The following NTN1 variants were observed in gnomAD, a reference collection of about 807,000 sequenced individuals.
NTN1 encodes the protein netrin 1.
In NTN1, 11 loss-of-function variants were observed where a neutral mutation model predicts 54.2. The observed-to-expected ratio is 0.20, with a 90% confidence interval of 0.13 to 0.34. The LOEUF (loss-of-function observed/expected upper bound fraction) is 0.34. NTN1 is among the 10% of genes least tolerant of loss of function. The pLI, the probability that NTN1 is intolerant of heterozygous loss-of-function variation, is 1.00. For missense variants in NTN1, 740 were observed against 893.1 expected, an observed-to-expected ratio of 0.83 and a Z score of 2.18; for synonymous variants, 371 against 382.0, an observed-to-expected ratio of 0.97 and a Z score of 0.33.
intron 2 of NTN1, among the ~76,000 whole-genome samples, chr17:9,060,877 G>A (rs565703016): frequency 6.6e-6 from 1 of 150,572 alleles, no homozygotes; most frequent in Non-Finnish European, 1.5e-5. Context: ...TCGGGAGGCT[G>A]AGGCAGGAGA....
At chr17:9,052,383 T>A (rs562856603) in intron 2 of NTN1, among the ~76,000 whole-genome samples, 1 of 152,280 alleles carries the variant, frequency 6.6e-6, no homozygotes, top group Admixed American at 6.5e-5. Context: ...CAGGTCCACC[T>A]CTCAGTACCC....
chr17:9,052,180 A>G (rs1050783339), intron 2 of NTN1, among the ~76,000 whole-genome samples: 1 of 152,116 alleles, frequency 6.6e-6, no homozygotes, highest in Admixed American at 6.6e-5. Flanking sequence ...CATGTTGGTC[A>G]GGCTGGTCCC....
At chr17:9,167,180 G>A (rs1432036308) in intron 3 of NTN1, among the ~76,000 whole-genome samples, 1 of 152,112 alleles carries the variant, frequency 6.6e-6, no homozygotes, top group African/African-American at 2.4e-5. Context: ...CCTATACAAA[G>A]GCAGATGAGA....
chr17:9,110,995 C>T (rs150405309), intron 2 of NTN1, among the ~76,000 whole-genome samples: 58 of 135,230 alleles, frequency 4.3e-4, no homozygotes, highest in Non-Finnish European at 7.4e-4. Context: ...AGTGCTGTGG[C>T]GCGATCTCGG....
intron 2 of NTN1, among the ~76,000 whole-genome samples, chr17:9,091,691 G>A (rs1293028958): frequency 6.6e-6 from 1 of 151,946 alleles, no homozygotes; most frequent in Non-Finnish European, 1.5e-5. Flanking sequence ...GACCTCAGGT[G>A]ATCTGCCTGC....
chr17:9,204,389 G>T (rs1904911326), intron 5 of NTN1, among the ~76,000 whole-genome samples: 1 of 152,096 alleles, frequency 6.6e-6, no homozygotes, highest in East Asian at 1.9e-4. Context: ...CACCTCCTGG[G>T]TTCAAGTGAT....
At chr17:9,026,966 G>T (rs1333230645) in intron 2 of NTN1, among the ~76,000 whole-genome samples, 1 of 152,104 alleles carries the variant, frequency 6.6e-6, no homozygotes, top group Non-Finnish European at 1.5e-5. Context: ...GCCTCTTAAT[G>T]GTCATAGGTA....
At chr17:9,138,014 TC>T (rs146444989) in intron 2 of NTN1, among the ~76,000 whole-genome samples, 9,885 of 152,096 alleles carry the variant, frequency 0.065, 1,074 homozygotes, top group African/African-American at 0.23. Flanking sequence ...CCAGATGTGC[TC>T]CACCTCCCTC....
At chr17:9,236,130 G>GC (rs897733624) in intron 6 of NTN1, among the ~76,000 whole-genome samples, 3 of 37,636 alleles carry the variant, frequency 8.0e-5, no homozygotes, top group Admixed American at 5.8e-4. Context: ...AATTTGGGGG[G>GC]GGGGGTACTA....
intron 2 of NTN1, among the ~76,000 whole-genome samples, chr17:9,093,317 A>G (rs12953240): frequency 0.078 from 11,834 of 152,344 alleles, 620 homozygotes; most frequent in Non-Finnish European, 0.11. Flanking sequence ...GAGTAAGCTT[A>G]AGTAACAAAT....
At chr17:9,175,181 C>T (rs1418832916) in intron 3 of NTN1, 1 of 152,192 alleles carries the variant, frequency 6.6e-6, no homozygotes, top group Non-Finnish European at 1.5e-5. Context: ...CTTCAGGGAT[C>T]CCTTCAGAGA....
intron 5 of NTN1, among the ~76,000 whole-genome samples, chr17:9,206,550 C>T (rs374298128): frequency 6.6e-6 from 1 of 152,092 alleles, no homozygotes; most frequent in Admixed American, 6.5e-5. Flanking sequence ...TCCACCCCAG[C>T]GTGCCTCTCC....
rs62069289 is a variant in NTN1 at position 9,060,488 on chromosome 17, T to C, written c.1018+37097T>C. ...GCGGGTTTTTTACTGTGTGGGGCAT[T>C]GGTGTCCCTAACTCCTGTGTTGTTC... On this transcript the variant is annotated intron_variant, in intron 2 of 6. Transcript: ENST00000173229. Among the ~76,000 whole-genome samples the C allele has an allele frequency of 2.8e-3, 420 of 152,324 alleles. 4 individuals are homozygous for C. The highest frequency in any genetic ancestry group is 4.9e-3 in the Non-Finnish European group (331 of 68,024).
chr17:9,170,691 C>T (rs2092384964), intron 3 of NTN1, among the ~76,000 whole-genome samples: 2 of 152,088 alleles, frequency 1.3e-5, no homozygotes, highest in South Asian at 4.1e-4. Context: ...CTGGAAGTGC[C>T]AAGGAAGACC....
At chr17:9,063,827 C>T (rs1370015292) in intron 2 of NTN1, among the ~76,000 whole-genome samples, 1 of 106,310 alleles carries the variant, frequency 9.4e-6, no homozygotes, top group Non-Finnish European at 1.9e-5. Context: ...GGATTACAGG[C>T]GTGAGCCCCA....
chr17:9,026,391 C>CGTG (rs1555562098), intron 2 of NTN1, among the ~76,000 whole-genome samples: 3 of 137,840 alleles, frequency 2.2e-5, no homozygotes, highest in Non-Finnish European at 4.7e-5. Context: ...GGATTTCTTC[C>CGTG]GGGGGGGGGG....
upstream of NTN1, among the ~76,000 whole-genome samples, chr17:9,019,661 C>T (rs1190225854): frequency 6.6e-6 from 1 of 152,158 alleles, no homozygotes; most frequent in African/African-American, 2.4e-5. Flanking sequence ...ATGGAGGAAA[C>T]CAAGGCATAG....
intron 2 of NTN1, among the ~76,000 whole-genome samples, chr17:9,087,355 A>G (rs879367479): frequency 6.6e-6 from 1 of 152,046 alleles, no homozygotes; most frequent in Non-Finnish European, 1.5e-5. Flanking sequence ...TGCTGAGTGT[A>G]AGAGGTGAGA....
At chr17:9,157,565 A>G (rs1444730632) in intron 2 of NTN1, among the ~76,000 whole-genome samples, 1 of 152,222 alleles carries the variant, frequency 6.6e-6, no homozygotes, top group East Asian at 1.9e-4. Context: ...CTGGTTGGAA[A>G]GTGGGGCCTC....
Sources: gnomAD v4.1 joint callset for allele counts (sites outside exome capture counted in the v4.1 genomes callset) on GRCh38, gnomAD v4.1.1 for gene constraint, MANE v1.5 for transcripts, NCBI Gene and HGNC (gene_info 2026-07-23, HGNC 2026-07-21) for gene names.